The following TNFRSF11A variants were observed in gnomAD, a reference collection of about 807,000 sequenced individuals.
The protein encoded by TNFRSF11A is tumor necrosis factor receptor superfamily member 11A.
In TNFRSF11A, 32 loss-of-function variants were observed where a neutral mutation model predicts 55.7. The ratio of observed to expected loss-of-function variants is 0.57; its 90% confidence interval spans 0.43 to 0.77. The LOEUF (loss-of-function observed/expected upper bound fraction) is 0.77. Among genes scored for constraint, TNFRSF11A ranks in the 30% least tolerant of loss-of-function variants. The probability of loss-of-function intolerance (pLI) is 0.00; values close to 1 mark genes in which losing one functional copy is unlikely to be tolerated. For missense variants in TNFRSF11A, 753 were observed against 809.8 expected (o/e 0.93, Z 0.85); for synonymous variants, 311 against 331.0 (o/e 0.94, Z 0.65).
intron 1 of TNFRSF11A, among the ~76,000 whole-genome samples, chr18:62,340,143 G>T (rs2046291114): frequency 6.6e-6 from 1 of 151,862 alleles, no homozygotes; most frequent in Non-Finnish European, 1.5e-5. Flanking sequence ...AGTGAGCAGT[G>T]ATCACACCAC....
chr18:62,348,463 A>G (rs989170494), intron 2 of TNFRSF11A, among the ~76,000 whole-genome samples: 1 of 152,226 alleles, frequency 6.6e-6, no homozygotes, highest in African/African-American at 2.4e-5. Flanking sequence ...AAACAACTTT[A>G]AAAACTGTTG....
chr18:62,365,128 T>G (rs767192470), intron 7 of TNFRSF11A, among the ~76,000 whole-genome samples: 9 of 151,862 alleles, frequency 5.9e-5, no homozygotes, highest in Non-Finnish European at 8.8e-5. Context: ...GCCCGGCTAA[T>G]TTTTGTATTT....
intron 9 of TNFRSF11A, among the ~76,000 whole-genome samples, chr18:62,372,262 AC>A (rs763301327): frequency 1.2e-4 from 19 of 152,192 alleles, no homozygotes; most frequent in Non-Finnish European, 2.2e-4. Context: ...GTCTGAAGTT[AC>A]GCCTAATCCT....
intron 9 of TNFRSF11A, among the ~76,000 whole-genome samples, chr18:62,369,716 G>A (rs1481664571): frequency 1.3e-5 from 2 of 152,212 alleles, no homozygotes; most frequent in Non-Finnish European, 2.9e-5. Context: ...GGCAGTTTCT[G>A]CATCCATGCA....
chr18:62,330,802 A>AT (rs1296732333), intron 1 of TNFRSF11A: 2 of 152,470 alleles, frequency 1.3e-5, no homozygotes, highest in Non-Finnish European at 2.9e-5. Flanking sequence ...AGAAAAAAAA[A>AT]GACATGGCAG....
intron 1 of TNFRSF11A, among the ~76,000 whole-genome samples, chr18:62,347,720 C>T (rs1451468790): frequency 6.6e-6 from 1 of 152,114 alleles, no homozygotes; most frequent in African/African-American, 2.4e-5. Context: ...CAAGGCCAGC[C>T]TGGCCAACAT....
chr18:62,382,132 T>G (rs1487512558), intron 9 of TNFRSF11A, among the ~76,000 whole-genome samples: 1 of 143,604 alleles, frequency 7.0e-6, no homozygotes, highest in Non-Finnish European at 1.5e-5. Context: ...TTTTTTTTTT[T>G]GAGAGAGTCT....
chr18:62,328,202 G>A (rs1292107868), intron 1 of TNFRSF11A, among the ~76,000 whole-genome samples: 2 of 152,074 alleles, frequency 1.3e-5, no homozygotes, highest in Non-Finnish European at 2.9e-5. Flanking sequence ...GGGTGGCAGA[G>A]GAAGGGAGAG....
chr18:62,369,224 C>A lies in TNFRSF11A; in HGVS notation c.1307C>A (p.Ala436Asp). 6.2e-7 allele frequency: 1 copy of A among 1,613,692 alleles called. No homozygotes were observed. The highest frequency in any genetic ancestry group is 8.5e-7 in the Non-Finnish European group (1 of 1,180,032). Residue 436 changes from alanine (A) to aspartate (D), a missense_variant, in exon 9 of 10, where the codon GCC (alanine) becomes GAC (aspartate). Coordinates refer to ENST00000586569, the MANE Select transcript of TNFRSF11A (RefSeq NM_003839.4). ...AGTGGCCATTGCCCGCACTGGGCAGCCAGCCCCAGCCCCAACTGGGCAGAT... is the reference window on the plus strand; with the variant it reads ...AGTGGCCATTGCCCGCACTGGGCAGACAGCCCCAGCCCCAACTGGGCAGAT... Reference protein sequence around the residue: ...VDSGHCPHWAASPSPNWADVC... With the variant: ...VDSGHCPHWADSPSPNWADVC...
Position 62,383,302 on chromosome 18 carries a change from T to C in TNFRSF11A, c.1568-1449T>C, listed in dbSNP as rs940505164. On this transcript the variant is annotated intron_variant, in intron 9 of 9. Transcript: ENST00000586569. The surrounding 1 kb of genome is among the most constrained non-coding windows in gnomAD (Gnocchi z 4.2). Reference sequence around the variant, plus strand: ...GTTTTGGTCTTGGCTTCTCTAGAGGTTACCCAGTGGGTCAGGGGAAGGCTC... The same window carrying C: ...GTTTTGGTCTTGGCTTCTCTAGAGGCTACCCAGTGGGTCAGGGGAAGGCTC... 1.3e-5 allele frequency among the ~76,000 whole-genome samples: 2 copies of C among 152,188 alleles called. No homozygotes were observed. Among genetic ancestry groups the C allele is most frequent in the African/African-American group, 4.8e-5 (2 of 41,460 alleles).
chr18:62,332,114 G>A (rs1481172522), intron 1 of TNFRSF11A, among the ~76,000 whole-genome samples: 3 of 152,188 alleles, frequency 2.0e-5, no homozygotes, highest in Admixed American at 6.5e-5. Context: ...TTTAGCTCTT[G>A]GTGAATGTGA....
At position 62,377,479 on chromosome 18, in the gene TNFRSF11A, C is replaced by G. The variant is rs772726258; in HGVS notation, c.1568-7272C>G. 4.3e-4 allele frequency among the ~76,000 whole-genome samples: 65 copies of G among 152,192 alleles called. 1 individual carries two copies. Among genetic ancestry groups the G allele is most frequent in the Non-Finnish European group, 6.8e-4 (46 of 68,044 alleles). The stretch of plus-strand genomic sequence containing the variant: ...GAAGTCATCAAACTGTCTTCCAAAG[C>G]AGCTGTACCCTTTTGCATTCCCACT... On this transcript the variant is annotated intron_variant, in intron 9 of 9. Coordinates refer to ENST00000586569, the MANE Select transcript of TNFRSF11A (RefSeq NM_003839.4).
At chr18:62,377,734 G>A (rs889287843) in intron 9 of TNFRSF11A, among the ~76,000 whole-genome samples, 6 of 152,130 alleles carry the variant, frequency 3.9e-5, no homozygotes, top group African/African-American at 1.4e-4. Flanking sequence ...TTTTAATCGG[G>A]TTATTTGTTT....
Position 62,384,889 on chromosome 18 carries a change from C to G in TNFRSF11A, c.1706C>G (p.Pro569Arg), listed in dbSNP as rs756738960. The G allele has an allele frequency of 3.1e-6, 5 of 1,588,328 alleles. No homozygotes were observed. The highest frequency in any genetic ancestry group is 3.4e-6 in the Non-Finnish European group (4 of 1,167,904). The stretch of plus-strand genomic sequence containing the variant: ...GCGGCTGCGGAGCCCATGGGCCGCC[C>G]GGTGCAGGAGGAGACCCTGGCGCGC... The part of the protein sequence containing the change: ...AAAAAEPMGR[P>R]VQEETLARRD... The change falls in exon 10 of 10, where the codon CCG becomes CGG. Residue 569 changes from proline (P) to arginine (R), a missense_variant. This residue lies in a region of TNFRSF11A where 567 missense variants were observed against 596.7 expected (regional missense o/e 0.95). Transcript: ENST00000586569.
At chr18:62,338,806 T>C (rs55889857) in intron 1 of TNFRSF11A, among the ~76,000 whole-genome samples, 9,993 of 134,118 alleles carry the variant, frequency 0.075, 835 homozygotes, top group East Asian at 0.44. Flanking sequence ...GCAAATTTTG[T>C]ATCTATTTTC....
intron 1 of TNFRSF11A, among the ~76,000 whole-genome samples, chr18:62,337,862 C>G (rs1004923409): frequency 6.6e-6 from 1 of 152,212 alleles, no homozygotes; most frequent in South Asian, 2.1e-4. Flanking sequence ...TATGTGTTCA[C>G]TTAATTGGGA....
rs373624837 is a variant in TNFRSF11A, at chr18:62,342,777, G to A, written c.76-5391G>A. On this transcript the variant is annotated intron_variant, in intron 1 of 9. Transcript: ENST00000586569. ...CGGGAGAAACTGAGACCTTCTCGCC[G>A]GCCTGTCAGCCCAGGTGGCTGAGAA... 7.0e-4 allele frequency among the ~76,000 whole-genome samples: 107 copies of A among 152,312 alleles called. 1 individual carries two copies. The South Asian group carries it at 0.021, about 30-fold the overall frequency.
chr18:62,336,477 G>T (rs1337919156), intron 1 of TNFRSF11A: 1 of 152,278 alleles, frequency 6.6e-6, no homozygotes, highest in Admixed American at 6.5e-5. Flanking sequence ...AGCCTAGAGG[G>T]ACGTGGCCTC....
At position 62,328,140 on chromosome 18, in the gene TNFRSF11A, A is replaced by C. The variant is rs934767158; in HGVS notation, c.75+2713A>C. ...GTCACAGTCTAGTGGAGAGCGCCAGATGGGAAAAGCTGTGATGATAAGAGA... is the reference window on the plus strand; with the variant it reads ...GTCACAGTCTAGTGGAGAGCGCCAGCTGGGAAAAGCTGTGATGATAAGAGA... On this transcript the variant is annotated intron_variant, in intron 1 of 9. Coordinates refer to ENST00000586569, the MANE Select transcript of TNFRSF11A (RefSeq NM_003839.4). Among the ~76,000 whole-genome samples the C allele has an allele frequency of 4.6e-5, 7 of 151,658 alleles. No individual in the cohort carries two copies. The East Asian group carries it at 1.4e-3, about 30-fold the overall frequency.
Sources: allele counts gnomAD v4.1 joint callset (sites outside exome capture counted in the v4.1 genomes callset), GRCh38; gene constraint gnomAD v4.1.1; regional missense constraint gnomAD v4.1.1; non-coding constraint Gnocchi (gnomAD v3.1); transcripts MANE v1.5; gene names NCBI Gene and HGNC (gene_info 2026-07-23, HGNC 2026-07-21).